The following RALGPS1 variants were observed in gnomAD, a reference collection of about 807,000 sequenced individuals.
RALGPS1 encodes the protein ras-specific guanine nucleotide-releasing factor RalGPS1.
A neutral mutation model predicts 78.8 loss-of-function variants in RALGPS1; 19 were observed. That is an observed-to-expected ratio of 0.24 (90% confidence interval 0.17 to 0.35). The LOEUF (loss-of-function observed/expected upper bound fraction) is 0.35. Among genes scored for constraint, RALGPS1 ranks in the 10% least tolerant of loss-of-function variants. The pLI, the probability that RALGPS1 is intolerant of heterozygous loss-of-function variation, is 1.00. For synonymous variants in RALGPS1, 228 were observed against 256.3 expected, an observed-to-expected ratio of 0.89 and a Z score of 1.06; for missense variants, 454 against 688.3, an observed-to-expected ratio of 0.66 and a Z score of 3.81.
intron 8 of RALGPS1, among the ~76,000 whole-genome samples, chr9:127,119,657 A>G (rs181283919): frequency 2.6e-5 from 4 of 152,288 alleles, no homozygotes; most frequent in African/African-American, 9.6e-5. Flanking sequence ...GTACTTCCTA[A>G]ATCACTGGGG....
rs1395021670 is a variant in RALGPS1 at position 127,082,250 on chromosome 9, A to C, written c.610+12894A>C. On this transcript the variant is annotated intron_variant, in intron 8 of 18. Coordinates refer to ENST00000259351, the MANE Select transcript of RALGPS1 (RefSeq NM_014636.3). ...TCGGAGTAGCAAAGCAGGGGGGCTG[A>C]TGAGTCTGTAAGCTGTAGGACAGTT... Among the ~76,000 whole-genome samples the C allele has an allele frequency of 2.0e-5, 3 of 152,232 alleles. No individual in the cohort carries two copies. In the East Asian group the frequency reaches 5.8e-4, roughly 29 times the overall value.
chr9:127,184,749 T>C (rs1466489466), intron 11 of RALGPS1, among the ~76,000 whole-genome samples: 1 of 152,224 alleles, frequency 6.6e-6, no homozygotes, highest in Non-Finnish European at 1.5e-5. Flanking sequence ...AGAATGAGAC[T>C]GGACTGTGAG....
intron 8 of RALGPS1, among the ~76,000 whole-genome samples, chr9:127,106,013 G>A (rs554967561): frequency 3.9e-5 from 6 of 152,344 alleles, no homozygotes; most frequent in African/African-American, 1.2e-4. Context: ...GCTCAGAAGA[G>A]TTAAATAACT....
rs1245747314 is a variant in RALGPS1 at position 127,219,830 on chromosome 9, T to A, written c.*1061T>A. On this transcript the variant is annotated 3_prime_UTR_variant, in exon 19 of 19. Coordinates refer to ENST00000259351, the MANE Select transcript of RALGPS1 (RefSeq NM_014636.3). The surrounding 1 kb of genome is among the most constrained non-coding windows in gnomAD (Gnocchi z 5.0). ...TGGGGCCCACCAAGATTCCTGATCA[T>A]GACGGGAAGCTGAGTGACCCTGAGG... The A allele has an allele frequency of 6.5e-6, 1 of 152,678 alleles. No homozygotes were observed. The highest frequency in any genetic ancestry group is 2.4e-5 in the African/African-American group (1 of 41,468). The allele number at this position is 152,678 out of a possible 1,614,324, so 9.5% of individuals were successfully genotyped here.
chr9:127,142,164 C>T (rs145124870), intron 8 of RALGPS1, among the ~76,000 whole-genome samples: 1 of 152,270 alleles, frequency 6.6e-6, no homozygotes, highest in East Asian at 1.9e-4. Flanking sequence ...CTAGATGCCT[C>T]GTCACATCAT....
chr9:127,141,380 G>A (rs1588134797), intron 8 of RALGPS1, among the ~76,000 whole-genome samples: 1 of 152,022 alleles, frequency 6.6e-6, no homozygotes, highest in East Asian at 1.9e-4. Flanking sequence ...ATGTCCTCCA[G>A]CCAACAGTAA....
intron 1 of RALGPS1, among the ~76,000 whole-genome samples, chr9:126,943,863 G>A (rs912906183): frequency 6.6e-6 from 1 of 152,196 alleles, no homozygotes; most frequent in African/African-American, 2.4e-5. Context: ...ACTCAATGCT[G>A]TTTGTCAACA....
At chr9:127,119,352 A>C (rs979845615) in intron 8 of RALGPS1, among the ~76,000 whole-genome samples, 2 of 152,210 alleles carry the variant, frequency 1.3e-5, no homozygotes, top group African/African-American at 4.8e-5. Context: ...TAGGACAGCA[A>C]CCAAAGCAGA....
chr9:127,055,524 C>G (rs1441144327), intron 7 of RALGPS1, among the ~76,000 whole-genome samples: 1 of 152,210 alleles, frequency 6.6e-6, no homozygotes, highest in Middle Eastern at 3.2e-3. Context: ...GGCCCCTAAA[C>G]ACTTTACATA....
intron 14 of RALGPS1, chr9:127,210,680 C>A (rs1263184622): frequency 1.3e-6 from 2 of 1,545,104 alleles, no homozygotes; most frequent in Admixed American, 3.9e-5. Context: ...AAAATTTAAC[C>A]CTTTTCCTCT....
intron 4 of RALGPS1, among the ~76,000 whole-genome samples, chr9:127,001,406 T>C (rs2043298235): frequency 6.6e-6 from 1 of 152,176 alleles, no homozygotes; most frequent in Non-Finnish European, 1.5e-5. Context: ...TATTGGCTTA[T>C]GAGGTATAAT....
intron 11 of RALGPS1, among the ~76,000 whole-genome samples, chr9:127,177,546 TGCCTCAGCCTCAGCCTCA>T (rs201665675): frequency 4.9e-4 from 74 of 152,168 alleles, no homozygotes; most frequent in African/African-American, 1.5e-3. Flanking sequence ...CCCAGGGCCC[TGCCTCAGCCTCAGCCTCA>T]GCCTCAGCCT....
chr9:126,936,559 A>AT (rs1486802006), intron 1 of RALGPS1, among the ~76,000 whole-genome samples: 1 of 152,198 alleles, frequency 6.6e-6, no homozygotes, highest in Non-Finnish European at 1.5e-5. Context: ...AGGAAAGAGA[A>AT]TTAGGCTGTC....
intron 4 of RALGPS1, among the ~76,000 whole-genome samples, chr9:126,987,418 A>C (rs1834496369): frequency 6.6e-6 from 1 of 152,208 alleles, no homozygotes; most frequent in African/African-American, 2.4e-5. Context: ...GTGCTCAGCA[A>C]AATTTAATAC....
At position 126,966,261 on chromosome 9, in the gene RALGPS1, A is replaced by G. The variant is rs557045082; in HGVS notation, c.165+310A>G. Among the ~76,000 whole-genome samples, 7 of 152,290 alleles carry G rather than the reference A, an allele frequency of 4.6e-5. No individual in the cohort carries two copies. In the South Asian group the frequency reaches 8.3e-4, roughly 18 times the overall value. ...AGACTGGGCAAGGTGGCTCACGCCT[A>G]TAATCCCAGTGCTGTGGGAGGCTGA... is the stretch of plus-strand genomic sequence containing the variant. On this transcript the variant is annotated intron_variant, in intron 3 of 18. Transcript: ENST00000259351.
At chr9:127,126,401 A>G (rs1211663433) in intron 8 of RALGPS1, among the ~76,000 whole-genome samples, 5 of 151,980 alleles carry the variant, frequency 3.3e-5, no homozygotes, top group Non-Finnish European at 5.9e-5. Context: ...TCTTGGACCT[A>G]TATGTTTTTA....
intron 8 of RALGPS1, among the ~76,000 whole-genome samples, chr9:127,146,099 T>A (rs778546893): frequency 9.9e-5 from 15 of 152,196 alleles, no homozygotes; most frequent in Non-Finnish European, 1.6e-4. Context: ...ATTTTAGATA[T>A]GGGGGTACAT....
intron 4 of RALGPS1, among the ~76,000 whole-genome samples, chr9:127,016,317 T>G (rs1477696839): frequency 6.6e-6 from 1 of 152,208 alleles, no homozygotes; most frequent in Non-Finnish European, 1.5e-5. Context: ...AACGTTTTTA[T>G]GTAATGCCGG....
intron 4 of RALGPS1, among the ~76,000 whole-genome samples, chr9:127,031,009 T>A (rs11789764): frequency 0.52 from 79,288 of 152,030 alleles, 21,466 homozygotes; most frequent in African/African-American, 0.66. Context: ...CTCAGCCACG[T>A]AGTCAGGGCC....
Sources: allele counts gnomAD v4.1 joint callset (sites outside exome capture counted in the v4.1 genomes callset), GRCh38; gene constraint gnomAD v4.1.1; non-coding constraint Gnocchi (gnomAD v3.1); transcripts MANE v1.5; gene names NCBI Gene and HGNC (gene_info 2026-07-23, HGNC 2026-07-21).